Variants in MRPL1 observed in about 807,000 individuals in gnomAD.
MRPL1 encodes large ribosomal subunit protein uL1m.
In MRPL1, 28 loss-of-function variants were observed where a neutral mutation model predicts 38.0. That is an observed-to-expected ratio of 0.74 (90% CI 0.55 to 1.01). MRPL1 has a LOEUF of 1.01. Ranked by LOEUF, MRPL1 falls within the 50% of genes least tolerant of loss-of-function variation. The pLI, the probability that MRPL1 is intolerant of heterozygous loss-of-function variation, is 0.00. For synonymous variants in MRPL1, 123 were observed against 126.7 expected (o/e 0.97, Z 0.20); for missense variants, 358 against 389.8 (o/e 0.92, Z 0.69).
At chr4:77,920,905 A>G (rs1417128875) in intron 7 of MRPL1, among the ~76,000 whole-genome samples, 1 of 152,104 alleles carries the variant, frequency 6.6e-6, no homozygotes, top group Non-Finnish European at 1.5e-5. Flanking sequence ...TGGGGATTAC[A>G]GGCGCCTGGC....
At chr4:77,915,657 G>C (rs1736406819) in intron 7 of MRPL1, among the ~76,000 whole-genome samples, 1 of 152,074 alleles carries the variant, frequency 6.6e-6, no homozygotes, top group Admixed American at 6.6e-5. Flanking sequence ...CAAGTGATCT[G>C]CCCACCTCAG....
At chr4:77,905,312 C>T (rs577652205) in intron 6 of MRPL1, among the ~76,000 whole-genome samples, 2 of 151,924 alleles carry the variant, frequency 1.3e-5, no homozygotes, top group East Asian at 3.9e-4. Flanking sequence ...GCCTGGCCAA[C>T]CTGGTGAAAC....
intron 7 of MRPL1, among the ~76,000 whole-genome samples, chr4:77,936,522 C>G (rs1736983757): frequency 6.6e-6 from 1 of 152,184 alleles, no homozygotes; most frequent in Non-Finnish European, 1.5e-5. Flanking sequence ...TCCCAGGAGT[C>G]AGCAAACCAA....
At chr4:77,901,987 A>C (rs537003729) in intron 6 of MRPL1, among the ~76,000 whole-genome samples, 1 of 152,290 alleles carries the variant, frequency 6.6e-6, no homozygotes, top group Non-Finnish European at 1.5e-5. Context: ...AATGTAAAAG[A>C]ATTGAAGTGA....
chr4:77,887,128 G>T, intron 4 of MRPL1, 92 bp from the exon 5 acceptor site: 1 of 1,022,864 alleles, frequency 9.8e-7, no homozygotes, highest in South Asian at 1.3e-5. Context: ...TTTGTACTTT[G>T]AACTGTGATA....
rs200037402 is a variant in MRPL1, at chr4:77,943,590, C to T, written c.778-6207C>T. On this transcript the variant is annotated intron_variant, in intron 7 of 8. Coordinates refer to ENST00000315567, the MANE Select transcript of MRPL1 (RefSeq NM_020236.4). ...TTTATTTTGATTCTCTTTTCTTTCT[C>T]TGTAGATTGAGTTAATTCAAAAATC... Among the ~76,000 whole-genome samples the T allele has an allele frequency of 4.7e-4, 72 of 152,058 alleles. 1 individual carries two copies. In the East Asian group the frequency reaches 9.5e-3, roughly 20 times the overall value.
At chr4:77,902,144 A>G (rs1187064649) in intron 6 of MRPL1, among the ~76,000 whole-genome samples, 1 of 152,262 alleles carries the variant, frequency 6.6e-6, no homozygotes, top group African/African-American at 2.4e-5. Context: ...ACTGAATGAT[A>G]CTGAAAACTC....
chr4:77,871,673 C>A, intron 1 of MRPL1, 71 bp from the exon 2 acceptor site: 1 of 710,668 alleles, frequency 1.4e-6, no homozygotes, highest in Non-Finnish European at 2.2e-6. Flanking sequence ...AAAGTACTGA[C>A]TTTTAAAATT....
intron 7 of MRPL1, among the ~76,000 whole-genome samples, chr4:77,946,322 G>A (rs916039446): frequency 1.4e-4 from 21 of 152,124 alleles, no homozygotes; most frequent in African/African-American, 3.9e-4. Flanking sequence ...CCCTAAAATC[G>A]CTGTTATTCT....
chr4:77,889,470 A>G (rs1380651119), intron 5 of MRPL1, among the ~76,000 whole-genome samples: 1 of 152,240 alleles, frequency 6.6e-6, no homozygotes, highest in Non-Finnish European at 1.5e-5. Context: ...TCTCTGGGAC[A>G]CATTTGAAGC....
rs891796250 is a variant in MRPL1 at position 77,925,641 on chromosome 4, A to G, written c.777+16269A>G. Among the ~76,000 whole-genome samples, 8 of 150,246 alleles carry G rather than the reference A, an allele frequency of 5.3e-5. No homozygotes were observed. The East Asian group carries it at 9.7e-4, about 18-fold the overall frequency. On this transcript the variant is annotated intron_variant, in intron 7 of 8. Transcript: ENST00000315567. ...TTGGTTTTCTGATTATCTAAGTTAT[A>G]TATGAGATTTGTGAGGTTTTTTTTT...
intron 1 of MRPL1, among the ~76,000 whole-genome samples, chr4:77,865,636 C>A (rs964768704): frequency 4.6e-5 from 7 of 152,124 alleles, no homozygotes; most frequent in African/African-American, 1.7e-4. Context: ...GAAGTGCTGG[C>A]AGTACAGGCT....
rs774188449 is a variant in MRPL1 at position 77,862,886 on chromosome 4, C to G, written c.31+7C>G. 1 of 1,614,000 alleles carries G rather than the reference C, an allele frequency of 6.2e-7. No individual in the cohort carries two copies. Among genetic ancestry groups the G allele is most frequent in the Non-Finnish European group, 8.5e-7 (1 of 1,179,970 alleles). ...GTAAGGTGCATGGGTAGAGGTAAGG[C>G]GAGGGGTTGTCTTGCAGGGGAAATG... On this transcript the variant is annotated splice_region_variant and intron_variant, in intron 1 of 8. Coordinates refer to ENST00000315567, the MANE Select transcript of MRPL1 (RefSeq NM_020236.4).
chr4:77,900,284 C>G (rs1403503724), intron 6 of MRPL1, among the ~76,000 whole-genome samples: 1 of 152,114 alleles, frequency 6.6e-6, no homozygotes, highest in Non-Finnish European at 1.5e-5. Flanking sequence ...GCTGACTACA[C>G]TTAGTACTGA....
chr4:77,904,901 T>A (rs1206559388), intron 6 of MRPL1, among the ~76,000 whole-genome samples: 1 of 152,138 alleles, frequency 6.6e-6, no homozygotes, highest in African/African-American at 2.4e-5. Flanking sequence ...TAGAAGAAAA[T>A]TTTTCTAGGA....
chr4:77,888,920 A>G (rs1284173605), intron 5 of MRPL1, among the ~76,000 whole-genome samples: 6 of 152,102 alleles, frequency 3.9e-5, no homozygotes, highest in Non-Finnish European at 2.9e-5. Flanking sequence ...CAATTCAACA[A>G]GAAGAGCTAA....
At chr4:77,873,261 A>G (rs1467731449) in intron 2 of MRPL1, among the ~76,000 whole-genome samples, 1 of 152,262 alleles carries the variant, frequency 6.6e-6, no homozygotes, top group Non-Finnish European at 1.5e-5. Flanking sequence ...AGTGTTTTAC[A>G]GATGAAGGAA....
chr4:77,908,319 T>A, intron 6 of MRPL1: 1 of 166,214 alleles, frequency 6.0e-6, no homozygotes, highest in South Asian at 1.2e-4. Context: ...TGCAACCTCT[T>A]CCTCCCGAGT....
chr4:77,903,612 A>G (rs1188810732), intron 6 of MRPL1, among the ~76,000 whole-genome samples: 1 of 152,238 alleles, frequency 6.6e-6, no homozygotes, highest in Admixed American at 6.5e-5. Context: ...AGGTCCATGC[A>G]TGAAAATCAG....
Sources: gnomAD v4.1 joint callset for allele counts (sites outside exome capture counted in the v4.1 genomes callset) on GRCh38, gnomAD v4.1.1 for gene constraint, MANE v1.5 for transcripts, NCBI Gene and HGNC (gene_info 2026-07-23, HGNC 2026-07-21) for gene names.